The following DNM3 variants were observed in gnomAD, a reference collection of about 807,000 sequenced individuals.
The protein encoded by DNM3 is dynamin-3.
In DNM3, 47 loss-of-function variants were observed where a neutral mutation model predicts 101.6. That is an observed-to-expected ratio of 0.46 (90% CI 0.37 to 0.59). The LOEUF is 0.59. Among genes scored for constraint, DNM3 ranks in the 20% least tolerant of loss-of-function variants. The probability of loss-of-function intolerance (pLI) is 0.00; values close to 1 mark genes in which losing one functional copy is unlikely to be tolerated. For missense variants in DNM3, 849 were observed against 1,085.7 expected, an observed-to-expected ratio of 0.78 and a Z score of 3.06; for synonymous variants, 385 against 387.9, an observed-to-expected ratio of 0.99 and a Z score of 0.09.
chr1:171,890,799 C>CA (rs1360188378), intron 1 of DNM3, among the ~76,000 whole-genome samples: 1 of 151,830 alleles, frequency 6.6e-6, no homozygotes, highest in African/African-American at 2.4e-5. Flanking sequence ...ATCACAGCAG[C>CA]AAAAAACAAA....
intron 17 of DNM3, among the ~76,000 whole-genome samples, chr1:172,377,564 A>ATATATATAT (rs1553248795): frequency 1.0e-5 from 1 of 98,036 alleles, no homozygotes; most frequent in Admixed American, 9.4e-5. Context: ...ATATATATAT[A>ATATATATAT]TATATATATA....
chr1:171,907,422 C>T (rs2038922489), intron 1 of DNM3, among the ~76,000 whole-genome samples: 1 of 151,130 alleles, frequency 6.6e-6, no homozygotes, highest in Admixed American at 6.6e-5. Context: ...ACCTGGGAGG[C>T]GGAGGTTGCG....
chr1:171,983,125 C>T (rs1283752684), intron 2 of DNM3, among the ~76,000 whole-genome samples: 1 of 152,084 alleles, frequency 6.6e-6, no homozygotes, highest in African/African-American at 2.4e-5. Flanking sequence ...TAGCTGCCCT[C>T]TCCCTTCTCT....
At chr1:172,000,680 G>A (rs918694833) in intron 4 of DNM3, among the ~76,000 whole-genome samples, 6 of 152,044 alleles carry the variant, frequency 3.9e-5, no homozygotes, top group African/African-American at 1.4e-4. Flanking sequence ...TCACCCAATG[G>A]AGATAAGGGT....
intron 7 of DNM3, among the ~76,000 whole-genome samples, chr1:172,041,027 G>T (rs1403218793): frequency 6.6e-6 from 1 of 152,050 alleles, no homozygotes; most frequent in African/African-American, 2.4e-5. Context: ...GAATTGTGGG[G>T]ATCCATTGAA....
intron 2 of DNM3, among the ~76,000 whole-genome samples, chr1:171,940,141 GA>G (rs2041715251): frequency 1.3e-5 from 2 of 152,172 alleles, no homozygotes; most frequent in Non-Finnish European, 2.9e-5. Flanking sequence ...TGATTTATAA[GA>G]TGGTTTTGTA....
chr1:172,173,193 C>T (rs745438213), intron 14 of DNM3, among the ~76,000 whole-genome samples: 9 of 151,654 alleles, frequency 5.9e-5, no homozygotes, highest in East Asian at 1.9e-4. Context: ...AAGGCACTGA[C>T]GGTGAAGATG....
chr1:172,190,628 A>G (rs1276294829), intron 14 of DNM3, among the ~76,000 whole-genome samples: 1 of 152,184 alleles, frequency 6.6e-6, no homozygotes, highest in Non-Finnish European at 1.5e-5. Flanking sequence ...GTACAGTCCC[A>G]CCAACAGTAT....
chr1:172,231,818 C>T (rs1018130014), intron 14 of DNM3, among the ~76,000 whole-genome samples: 1 of 151,964 alleles, frequency 6.6e-6, no homozygotes, highest in African/African-American at 2.4e-5. Flanking sequence ...GTAGCCAATT[C>T]GATCAAATGG....
At chr1:172,336,939 A>G (rs2066459706) in intron 17 of DNM3, among the ~76,000 whole-genome samples, 1 of 152,222 alleles carries the variant, frequency 6.6e-6, no homozygotes, top group African/African-American at 2.4e-5. Context: ...ATGAGTTAAT[A>G]TTTGTGAAAT....
At chr1:171,863,648 T>C (rs74777828) in intron 1 of DNM3, among the ~76,000 whole-genome samples, 1 of 152,174 alleles carries the variant, frequency 6.6e-6, no homozygotes, top group Non-Finnish European at 1.5e-5. Flanking sequence ...TGTCTTTATG[T>C]CCGTTCTCTC....
chr1:172,312,967 G>A (rs1309836771), intron 16 of DNM3, among the ~76,000 whole-genome samples: 1 of 152,164 alleles, frequency 6.6e-6, no homozygotes, highest in Non-Finnish European at 1.5e-5. Flanking sequence ...ATGGAAAGGA[G>A]GAGTCCTGGA....
chr1:172,074,768 A>G (rs75628753), intron 11 of DNM3, among the ~76,000 whole-genome samples: 1 of 152,336 alleles, frequency 6.6e-6, no homozygotes, highest in South Asian at 2.1e-4. Flanking sequence ...CAGTGGTGCA[A>G]TAAACATGCG....
chr1:172,048,898 G>A (rs757632345), intron 10 of DNM3, 148 bp downstream of exon 10: 7 of 955,524 alleles, frequency 7.3e-6, no homozygotes, highest in Non-Finnish European at 1.1e-5. Context: ...AGTACTGAGT[G>A]GGAATTGCTT....
intron 2 of DNM3, among the ~76,000 whole-genome samples, chr1:171,954,339 C>T (rs1370445350): frequency 6.6e-6 from 1 of 152,126 alleles, no homozygotes; most frequent in South Asian, 2.1e-4. Context: ...TGCAGTTTCT[C>T]CTTTGTGGTT....
At chr1:172,357,085 T>C (rs1573588010) in intron 17 of DNM3, among the ~76,000 whole-genome samples, 1 of 152,204 alleles carries the variant, frequency 6.6e-6, no homozygotes, top group Non-Finnish European at 1.5e-5. Flanking sequence ...AATGAGTAAT[T>C]ATATGAAGGA....
intron 2 of DNM3, among the ~76,000 whole-genome samples, chr1:171,932,512 C>G (rs2125373316): frequency 1.3e-5 from 2 of 152,164 alleles, no homozygotes; most frequent in East Asian, 3.9e-4. Flanking sequence ...TTTCCCTTCC[C>G]TCACTTCAGG....
chr1:172,393,115 A>G (rs760920253), intron 20 of DNM3: 1 of 152,232 alleles, frequency 6.6e-6, no homozygotes, highest in Non-Finnish European at 1.5e-5. Context: ...CCACATTTTC[A>G]GTAATTTATT....
At chr1:171,969,534 G>C (rs2180747) in intron 2 of DNM3, among the ~76,000 whole-genome samples, 79,934 of 151,996 alleles carry the variant, frequency 0.53, 22,357 homozygotes, top group East Asian at 0.74. Context: ...TCTGGACATG[G>C]TGATGACTCC....
Sources: allele counts gnomAD v4.1 joint callset (sites outside exome capture counted in the v4.1 genomes callset), GRCh38; gene constraint gnomAD v4.1.1; transcripts MANE v1.5; gene names NCBI Gene and HGNC (gene_info 2026-07-23, HGNC 2026-07-21).